Variants in PDC observed in about 807,000 individuals in gnomAD.
PDC encodes phosducin, also known as 33 kDa phototransducing protein.
PDC carries 19 observed loss-of-function variants against 22.2 expected under a neutral mutation model. The ratio of observed to expected loss-of-function variants is 0.86; its 90% CI spans 0.60 to 1.26. The LOEUF (loss-of-function observed/expected upper bound fraction) is 1.26, where lower values mean the gene tolerates loss of function less well. PDC is among the 50% of genes most tolerant of loss of function. The probability of loss-of-function intolerance (pLI) is 0.00; values close to 1 mark genes in which losing one functional copy is unlikely to be tolerated. For synonymous variants in PDC, 97 were observed against 96.2 expected, an observed-to-expected ratio of 1.01 and a Z score of -0.05; for missense variants, 274 against 286.8, an observed-to-expected ratio of 0.96 and a Z score of 0.32.
chr1:186,457,690 TAAG>T, intron 1 of PDC, among the ~76,000 whole-genome samples: 1 of 152,328 alleles, frequency 6.6e-6, no homozygotes, highest in East Asian at 1.9e-4. Context: ...GGTATCATAA[TAAG>T]AGTTTTCTTT....
Position 186,446,506 on chromosome 1 carries a change from T to C in PDC, c.133A>G (p.Ser45Gly), listed in dbSNP as rs1420544842. The C allele has an allele frequency of 6.2e-7, 1 of 1,603,660 alleles. No individual in the cohort carries two copies. The highest frequency in any genetic ancestry group is 2.2e-5 in the East Asian group (1 of 44,722). ...ATTTGCCTGAGAATCTCCTTCTTGC[T>C]AGGTGGAATTGAATCACTGTCTTGA... ...ESQDSDSIPP[S>G]KKEILRQMSS... Residue 45 changes from serine to glycine, a missense_variant, in exon 3 of 4, where the codon AGC (serine) becomes GGC (glycine). By Grantham distance (56) the Ser-to-Gly change is moderately conservative (BLOSUM62 0). Transcript: ENST00000391997.
chr1:186,455,690 A>G (rs1482540968), intron 1 of PDC, among the ~76,000 whole-genome samples: 2 of 150,652 alleles, frequency 1.3e-5, no homozygotes, highest in African/African-American at 2.5e-5. Flanking sequence ...GGCCGGGCGC[A>G]GTGGCTCACT....
chr1:186,453,833 C>CT, intron 1 of PDC, among the ~76,000 whole-genome samples: 1 of 152,202 alleles, frequency 6.6e-6, no homozygotes, highest in Non-Finnish European at 1.5e-5. Context: ...ATTGTAGACT[C>CT]TGAGAGATTG....
At chr1:186,446,694 A>G (rs1334130787) in intron 2 of PDC, 117 bp from the exon 3 acceptor site, 2 of 549,996 alleles carry the variant, frequency 3.6e-6, no homozygotes, top group African/African-American at 1.9e-5. Flanking sequence ...TGCATCAGAA[A>G]CAAACATCTT....
At chr1:186,447,660 G>A (rs1291370604) in intron 2 of PDC, among the ~76,000 whole-genome samples, 1 of 151,884 alleles carries the variant, frequency 6.6e-6, no homozygotes, top group Non-Finnish European at 1.5e-5. Flanking sequence ...ATATGTGGAT[G>A]TATTCCTTCT....
intron 2 of PDC, among the ~76,000 whole-genome samples, chr1:186,447,823 A>G (rs1662265617): frequency 6.6e-6 from 1 of 152,000 alleles, no homozygotes; most frequent in Admixed American, 6.6e-5. Flanking sequence ...TGTTTTATGC[A>G]TATGCAAAAT....
At chr1:186,451,836 C>T (rs1662359160) in intron 1 of PDC, 2 of 152,190 alleles carry the variant, frequency 1.3e-5, no homozygotes, top group Non-Finnish European at 2.9e-5. Context: ...ATATGCTAGG[C>T]ATTTTCCTGG....
In PDC at chr1:186,449,022, T is replaced by C. The variant is rs192004716; in HGVS notation, c.61+377A>G. Among the ~76,000 whole-genome samples the C allele has an allele frequency of 1.9e-3, 296 of 152,052 alleles. 3 individuals carry two copies. Among genetic ancestry groups the C allele is most frequent in the Non-Finnish European group, 1.2e-3 (82 of 67,940 alleles). On this transcript the variant is annotated intron_variant, in intron 2 of 3. Coordinates refer to ENST00000391997, the MANE Select transcript of PDC (RefSeq NM_002597.5). ...CATTCCCTTTATTAGATGAAAAAAATGAAATTAAAGGCCATTTATTAACCT... is the reference window on the plus strand; with the variant it reads ...CATTCCCTTTATTAGATGAAAAAAACGAAATTAAAGGCCATTTATTAACCT...
rs1355803359 is a variant in PDC at position 186,446,465 on chromosome 1, A to C, written c.174T>G (p.Ser58Arg). The part of the protein sequence containing the change: ...EILRQMSSPQ[S>R]RNGKDSKERV... ...GTTCCTTTGAATCTTTGCCATTCCT[A>C]CTCTGAGGAGAAGACATTTGCCTGA... The change falls in exon 3 of 4, where the codon AGT becomes AGG. Residue 58 changes from serine to arginine, a missense_variant. Coordinates refer to ENST00000391997, the MANE Select transcript of PDC (RefSeq NM_002597.5). The C allele has an allele frequency of 1.2e-6, 2 of 1,608,688 alleles. No individual in the cohort carries two copies. Among genetic ancestry groups the C allele is most frequent in the African/African-American group, 2.7e-5 (2 of 74,764 alleles).
chr1:186,454,986 A>T (rs182574293), intron 1 of PDC, among the ~76,000 whole-genome samples: 2 of 152,316 alleles, frequency 1.3e-5, no homozygotes, highest in Admixed American at 6.5e-5. Flanking sequence ...CTAACACTTC[A>T]TTCTCTCAAA....
intron 3 of PDC, 121 bp downstream of exon 3, chr1:186,446,305 T>G: frequency 1.5e-6 from 1 of 645,166 alleles, no homozygotes; most frequent in Non-Finnish European, 2.4e-6. Context: ...CATTTTTTTT[T>G]GCCAGCGTAA....
chr1:186,449,337 CA>C (rs1168524133), intron 2 of PDC, 61 bp downstream of exon 2: 3 of 930,560 alleles, frequency 3.2e-6, no homozygotes, highest in Non-Finnish European at 5.1e-6. Flanking sequence ...TCAATAAGAA[CA>C]TTAGATATTG....
At position 186,449,394 on chromosome 1, in the gene PDC, C is replaced by A. The variant is rs770633904; in HGVS notation, c.61+5G>T. Reference sequence around the variant, plus strand: ...ATAATTATTTTTTCTTCTAGCTTTGCTTGCCTGTATGTGTGGCCTGTCCTT... The same window carrying A: ...ATAATTATTTTTTCTTCTAGCTTTGATTGCCTGTATGTGTGGCCTGTCCTT... On this transcript the variant is annotated splice_donor_5th_base_variant and intron_variant, in intron 2 of 3. Coordinates refer to ENST00000391997, the MANE Select transcript of PDC (RefSeq NM_002597.5). The A allele has an allele frequency of 1.3e-6, 2 of 1,583,362 alleles. No homozygotes were observed. The highest frequency in any genetic ancestry group is 8.6e-7 in the Non-Finnish European group (1 of 1,157,948).
chr1:186,449,486 A>G lies in PDC; in HGVS notation c.-24-3T>C. On this transcript the variant is annotated splice_polypyrimidine_tract_variant and splice_region_variant and intron_variant, in intron 1 of 3. Transcript: ENST00000391997. ...TTAGGGACTGGATTTGATATAATCT[A>G]TAGGAGGAACAAAGAAATAATAATG... The G allele has an allele frequency of 1.4e-6, 2 of 1,412,896 alleles. No homozygotes were observed. Among genetic ancestry groups the G allele is most frequent in the Admixed American group, 1.7e-5 (1 of 59,382 alleles). The allele number at this position is 1,412,896 out of a possible 1,614,324, so 87.5% of individuals were successfully genotyped here.
chr1:186,448,692 C>T (rs1662287250), intron 2 of PDC: 1 of 962,836 alleles, frequency 1.0e-6, no homozygotes, highest in Admixed American at 6.2e-5. Flanking sequence ...GTATTCCTCA[C>T]ATTGCTATTA....
chr1:186,450,694 C>T (rs964008908), intron 1 of PDC, among the ~76,000 whole-genome samples: 2 of 152,108 alleles, frequency 1.3e-5, no homozygotes, highest in African/African-American at 4.8e-5. Context: ...GATTTTTATT[C>T]ATACGAAACT....
intron 1 of PDC, among the ~76,000 whole-genome samples, chr1:186,456,112 A>C (rs1218584688): frequency 6.7e-6 from 1 of 149,488 alleles, no homozygotes; most frequent in Non-Finnish European, 1.5e-5. Flanking sequence ...ATGTTAAGGA[A>C]AATAATAGTA....
chr1:186,443,841 T>G lies in PDC; in HGVS notation c.*138A>C, dbSNP rs1231260435. 2.1e-5 allele frequency: 14 copies of G among 656,364 alleles called. No individual in the cohort carries two copies. Among genetic ancestry groups the G allele is most frequent in the Non-Finnish European group, 3.8e-5 (14 of 371,006 alleles). The allele number at this position is 656,364 out of a possible 1,614,324, so 40.7% of individuals were successfully genotyped here. ...ACTAATACTAAGAAATGCTAATAAC[T>G]CGATTGTTGCATCAGTCATTTTTGT... On this transcript the variant is annotated 3_prime_UTR_variant, in exon 4 of 4. Transcript: ENST00000391997.
chr1:186,444,557 A>C, intron 3 of PDC, 51 bp from the exon 4 acceptor site: 5 of 1,225,586 alleles, frequency 4.1e-6, no homozygotes, highest in Non-Finnish European at 5.8e-6. Flanking sequence ...TTTATTCCTT[A>C]GATATACCAA....
Sources: gnomAD v4.1 joint callset for allele counts (sites outside exome capture counted in the v4.1 genomes callset) on GRCh38, gnomAD v4.1.1 for gene constraint, MANE v1.5 for transcripts, NCBI Gene and HGNC (gene_info 2026-07-23, HGNC 2026-07-21) for gene names.